The following EXOC5 variants were observed in gnomAD, a reference collection of about 807,000 sequenced individuals.
The protein encoded by EXOC5 is exocyst complex component 5, also known as SEC10-like 1.
Under a neutral mutation model 90.8 loss-of-function variants are expected in EXOC5, and 17 were observed. That is an observed-to-expected ratio of 0.19 (90% confidence interval 0.13 to 0.28). EXOC5 has a LOEUF of 0.28. EXOC5 is among the 10% of genes least tolerant of loss of function. The probability of loss-of-function intolerance (pLI) is 1.00; values close to 1 mark genes in which losing one functional copy is unlikely to be tolerated. For missense variants in EXOC5, 569 were observed against 830.6 expected (o/e 0.69, Z 3.87); for synonymous variants, 260 against 270.0 (o/e 0.96, Z 0.36).
rs1382379255 is a variant in EXOC5 at position 57,200,826 on chromosome 14, A to T, written c.*7783T>A. 1 of 151,830 alleles carries T rather than the reference A, an allele frequency of 6.6e-6. No individual in the cohort carries two copies. Among genetic ancestry groups the T allele is most frequent in the African/African-American group, 2.4e-5 (1 of 41,348 alleles). The allele number at this position is 151,830 out of a possible 1,614,324, so 9.4% of individuals were successfully genotyped here. On this transcript the variant is annotated 3_prime_UTR_variant, in exon 18 of 18. Coordinates refer to ENST00000621441, the MANE Select transcript of EXOC5 (RefSeq NM_006544.4). ...TGCGTGATAAAATTGTAATTTTTAAATTTAATATTTTAAAATTTTTACAGG... is the reference window on the plus strand; with the variant it reads ...TGCGTGATAAAATTGTAATTTTTAATTTTAATATTTTAAAATTTTTACAGG...
In EXOC5 at chr14:57,268,714, G is replaced by A; in HGVS notation, c.-66C>T. ...TCCGCTTCACATGCTGCGCCTCAGA[G>A]GCGCGGCGCACAGGTCTCCGCTCGG... On this transcript the variant is annotated 5_prime_UTR_variant, in exon 1 of 18. Coordinates refer to ENST00000621441, the MANE Select transcript of EXOC5 (RefSeq NM_006544.4). 6.5e-7 allele frequency: 1 copy of A among 1,542,536 alleles called. No homozygotes were observed. Among genetic ancestry groups the A allele is most frequent in the Non-Finnish European group, 8.7e-7 (1 of 1,152,206 alleles).
At chr14:57,264,852 T>G (rs1336088458) in intron 1 of EXOC5, among the ~76,000 whole-genome samples, 1 of 152,216 alleles carries the variant, frequency 6.6e-6, no homozygotes, top group Non-Finnish European at 1.5e-5. Flanking sequence ...TAACCTTATT[T>G]TTAAGAGTAT....
chr14:57,234,573 T>C (rs1361934764), intron 7 of EXOC5, among the ~76,000 whole-genome samples: 6 of 149,340 alleles, frequency 4.0e-5, no homozygotes, highest in African/African-American at 7.4e-5. Context: ...ATATTTCTTT[T>C]TTTTTTTTTG....
chr14:57,224,833 G>C (rs560684585), intron 12 of EXOC5, among the ~76,000 whole-genome samples: 3 of 152,104 alleles, frequency 2.0e-5, no homozygotes, highest in African/African-American at 4.8e-5. Context: ...AAGCCGAGGC[G>C]GGCGGATCAC....
intron 4 of EXOC5, among the ~76,000 whole-genome samples, chr14:57,242,463 C>T (rs546728746): frequency 6.6e-6 from 1 of 151,484 alleles, no homozygotes; most frequent in South Asian, 2.1e-4. Context: ...GGGCTGGTTT[C>T]AAACTCCTAA....
intron 15 of EXOC5, among the ~76,000 whole-genome samples, chr14:57,210,592 C>T (rs1882799990): frequency 6.6e-6 from 1 of 152,046 alleles, no homozygotes; most frequent in South Asian, 2.1e-4. Context: ...GTACATGAAA[C>T]GTTTATGTTC....
intron 1 of EXOC5, among the ~76,000 whole-genome samples, chr14:57,263,155 G>A (rs1179898878): frequency 6.6e-6 from 1 of 152,156 alleles, no homozygotes; most frequent in African/African-American, 2.4e-5. Flanking sequence ...CCTCTTGCAT[G>A]AGGTATAAAA....
intron 3 of EXOC5, among the ~76,000 whole-genome samples, chr14:57,244,625 T>C (rs1366268582): frequency 6.6e-6 from 1 of 152,140 alleles, no homozygotes; most frequent in Non-Finnish European, 1.5e-5. Context: ...CTCATCCTGT[T>C]TTAAAAAAAC....
chr14:57,229,594 G>T, intron 12 of EXOC5, 140 bp downstream of exon 12: 1 of 417,822 alleles, frequency 2.4e-6, no homozygotes, highest in Non-Finnish European at 4.2e-6. Context: ...GATGTGCATA[G>T]AATATATGCA....
At chr14:57,213,528 C>A (rs1278158375) in intron 15 of EXOC5, among the ~76,000 whole-genome samples, 1 of 151,904 alleles carries the variant, frequency 6.6e-6, no homozygotes, top group East Asian at 2.0e-4. Context: ...CTGCCTCAGC[C>A]TCCCGAGTAG....
At chr14:57,262,745 G>GTGTTTATATATATACGTATATATATA (rs1884552944) in intron 1 of EXOC5, among the ~76,000 whole-genome samples, 1 of 147,036 alleles carries the variant, frequency 6.8e-6, no homozygotes, top group African/African-American at 2.6e-5. Flanking sequence ...ATATATGTGT[G>GTGTTTATATATATACGTATATATATA]TGTGTATATA....
chr14:57,233,949 G>C, intron 8 of EXOC5, 39 bp downstream of exon 8: 1 of 1,588,884 alleles, frequency 6.3e-7, no homozygotes, highest in Non-Finnish European at 8.6e-7. Context: ...ACAACAATTA[G>C]CATAAAATAA....
At chr14:57,210,256 ATCTG>A (rs1437123650) in intron 15 of EXOC5, among the ~76,000 whole-genome samples, 195 bp from the exon 16 acceptor site, 3 of 152,166 alleles carry the variant, frequency 2.0e-5, no homozygotes, top group Non-Finnish European at 4.4e-5. Context: ...TGGTTTTATT[ATCTG>A]TCTGCTCAAA....
At chr14:57,260,474 GA>G (rs1428928555) in intron 1 of EXOC5, among the ~76,000 whole-genome samples, 1 of 151,978 alleles carries the variant, frequency 6.6e-6, no homozygotes, top group Non-Finnish European at 1.5e-5. Context: ...AAATTGTTTT[GA>G]AGACTATTTA....
rs2139597276 is a variant in EXOC5 at position 57,202,229 on chromosome 14, A to T, written c.*6380T>A. The stretch of plus-strand genomic sequence containing the variant: ...GTCCAGAGTCAAAAAAGTCAAGGAA[A>T]GACTGTGGAACTGTGTCAGAATGAA... On this transcript the variant is annotated 3_prime_UTR_variant, in exon 18 of 18. Transcript: ENST00000621441. 6.6e-6 allele frequency: 1 copy of T among 152,288 alleles called. No individual in the cohort carries two copies. The highest frequency in any genetic ancestry group is 2.1e-4 in the South Asian group (1 of 4,816). The allele number at this position is 152,288 out of a possible 1,614,324, so 9.4% of individuals were successfully genotyped here.
rs1315732746 is a variant in EXOC5, at chr14:57,222,338, T to G, written c.1375A>C (p.Ile459Leu). The G allele has an allele frequency of 2.5e-6, 4 of 1,580,240 alleles. No individual in the cohort carries two copies. In the African/African-American group the frequency reaches 5.4e-5, roughly 21 times the overall value. ...ILVEFLCIEH[I>L]DYALETGLAG... ...AGTCCTGTTTCCAAAGCATAATCAA[T>G]ATGCTCAATACATAAAAATTCCACA... The change falls in exon 13 of 18, where the codon ATT becomes CTT. Residue 459 changes from isoleucine (I) to leucine (L), a missense_variant. By Grantham distance (5) the Ile-to-Leu change is conservative. Coordinates refer to ENST00000621441, the MANE Select transcript of EXOC5 (RefSeq NM_006544.4).
chr14:57,266,157 T>G (rs1212663874), intron 1 of EXOC5, among the ~76,000 whole-genome samples: 2 of 152,212 alleles, frequency 1.3e-5, no homozygotes, highest in Admixed American at 6.5e-5. Context: ...TAACAGTGCA[T>G]GAAAATCAGG....
intron 3 of EXOC5, among the ~76,000 whole-genome samples, chr14:57,245,462 C>T (rs973168689): frequency 6.6e-6 from 1 of 152,058 alleles, no homozygotes; most frequent in African/African-American, 2.4e-5. Context: ...AGTTCATAAG[C>T]GGCAGAGCTG....
chr14:57,231,970 C>G, intron 10 of EXOC5: 1 of 338,522 alleles, frequency 3.0e-6, no homozygotes, highest in Non-Finnish European at 5.4e-6. Context: ...AGGCAATTAA[C>G]TAGTCCAGAA....
Sources: allele counts gnomAD v4.1 joint callset (sites outside exome capture counted in the v4.1 genomes callset), GRCh38; gene constraint gnomAD v4.1.1; transcripts MANE v1.5; gene names NCBI Gene and HGNC (gene_info 2026-07-23, HGNC 2026-07-21).